Variants in DNAH10 observed in about 807,000 individuals in gnomAD.
DNAH10 encodes dynein axonemal heavy chain 10.
DNAH10 carries 348 observed loss-of-function variants against 506.6 expected under a neutral mutation model. The observed-to-expected ratio is 0.69, with a 90% confidence interval of 0.63 to 0.75. DNAH10 has a LOEUF of 0.75. DNAH10 is among the 30% of genes least tolerant of loss of function. The probability of loss-of-function intolerance (pLI) is 0.00; values close to 1 mark genes in which losing one functional copy is unlikely to be tolerated. For missense variants in DNAH10, 5,179 were observed against 5,787.1 expected, an observed-to-expected ratio of 0.89 and a Z score of 3.41; for synonymous variants, 2,059 against 2,198.6, an observed-to-expected ratio of 0.94 and a Z score of 1.78.
In DNAH10 at chr12:123,916,550, A is replaced by G. The variant is rs925182395; in HGVS notation, c.10816A>G (p.Ile3606Val). The change falls in exon 63 of 79, where the codon ATC (isoleucine) becomes GTC (valine). Residue 3606 changes from isoleucine to valine, a missense_variant. Ile to Val is a conservative substitution (Grantham distance 29). This residue lies in a region of DNAH10 where 4,844 missense variants were observed against 5,430.5 expected (regional missense o/e 0.89). Coordinates refer to ENST00000673944, the MANE Select transcript of DNAH10 (RefSeq NM_001372106.1). The surrounding 1 kb of genome is among the most constrained non-coding windows in gnomAD (Gnocchi z 4.6). ...PFLFRDVDEYIDPVIDNVLEK... is the reference protein window; with the variant it reads ...PFLFRDVDEYVDPVIDNVLEK... ...CCTGTTCCGCGATGTTGATGAATACATCGATCCTGTGATTGACAACGTCTT... is the reference window on the plus strand; with the variant it reads ...CCTGTTCCGCGATGTTGATGAATACGTCGATCCTGTGATTGACAACGTCTT... 1.9e-6 allele frequency: 3 copies of G among 1,613,918 alleles called. No individual in the cohort carries two copies. Among genetic ancestry groups the G allele is most frequent in the Non-Finnish European group, 2.5e-6 (3 of 1,179,884 alleles).
intron 36 of DNAH10, among the ~76,000 whole-genome samples, chr12:123,856,737 ATATT>A (rs1343255317): frequency 1.4e-5 from 2 of 147,890 alleles, no homozygotes; most frequent in East Asian, 1.9e-4. Flanking sequence ...TATATAATTT[ATATT>A]TATTTACATA....
intron 38 of DNAH10, among the ~76,000 whole-genome samples, chr12:123,859,579 A>C (rs1951536586): frequency 6.6e-6 from 1 of 152,198 alleles, no homozygotes; most frequent in South Asian, 2.1e-4. Context: ...TTGGGGTCCA[A>C]ATTGCTTCCT....
intron 4 of DNAH10, 26 bp downstream of exon 4, chr12:123,772,968 A>G (rs754601964): frequency 6.5e-7 from 1 of 1,528,212 alleles, no homozygotes. Context: ...GTGTGTGTGT[A>G]TGTGTGTTGA....
intron 48 of DNAH10, among the ~76,000 whole-genome samples, chr12:123,878,919 A>T (rs1021331744): frequency 1.3e-5 from 2 of 152,116 alleles, no homozygotes; most frequent in African/African-American, 4.8e-5. Flanking sequence ...AAAAGAGAGA[A>T]AAAGAAGTTG....
intron 11 of DNAH10, among the ~76,000 whole-genome samples, chr12:123,793,252 C>T (rs1958149166): frequency 6.6e-6 from 1 of 152,090 alleles, no homozygotes; most frequent in African/African-American, 2.4e-5. Flanking sequence ...AATGCTAAGC[C>T]TTCTGGAGTT....
At chr12:123,829,413 G>T (rs532457979) in intron 25 of DNAH10, among the ~76,000 whole-genome samples, 12 of 152,302 alleles carry the variant, frequency 7.9e-5, no homozygotes, top group Admixed American at 3.9e-4. Flanking sequence ...GGACAGAGGA[G>T]TTGGTTCAAC....
chr12:123,922,146 G>A lies in DNAH10; in HGVS notation c.11507-1617G>A, dbSNP rs562735267. On this transcript the variant is annotated intron_variant, in intron 65 of 78. Coordinates refer to ENST00000673944, the MANE Select transcript of DNAH10 (RefSeq NM_001372106.1). ...TCCCAGCACTTTGGGCCGCCAGGGCGGGCGGATCATGAGGTCAAGAGATGG... is the reference window on the plus strand; with the variant it reads ...TCCCAGCACTTTGGGCCGCCAGGGCAGGCGGATCATGAGGTCAAGAGATGG... 1.2e-4 allele frequency among the ~76,000 whole-genome samples: 19 copies of A among 152,116 alleles called. No homozygotes were observed. The East Asian group carries it at 2.0e-3, about 16-fold the overall frequency.
chr12:123,893,470 C>T, intron 53 of DNAH10, 34 bp downstream of exon 53: 1 of 1,610,614 alleles, frequency 6.2e-7, no homozygotes, highest in Non-Finnish European at 8.5e-7. Context: ...CCCATTTCCC[C>T]TGCTTTGGCA....
In DNAH10 at chr12:123,917,720, C is replaced by T. The variant is rs866108094; in HGVS notation, c.11139C>T (p.Ser3713=). 6.4e-7 allele frequency: 1 copy of T among 1,564,412 alleles called. No homozygotes were observed. Among genetic ancestry groups the T allele is most frequent in the Non-Finnish European group, 8.7e-7 (1 of 1,154,694 alleles). ...NKNLLKDLED[S]LLRELATSTG... Reference sequence around the variant, plus strand: ...ACCTGCTCAAGGACCTGGAAGATTCCCTCCTTCGGGAGCTGGCCACGTCCA... The same window carrying T: ...ACCTGCTCAAGGACCTGGAAGATTCTCTCCTTCGGGAGCTGGCCACGTCCA... The change falls in exon 64 of 79, where the codon TCC becomes TCT. Residue 3713 remains serine (S), a synonymous_variant. Coordinates refer to ENST00000673944, the MANE Select transcript of DNAH10 (RefSeq NM_001372106.1). This position sits in a 1 kb window ranked among gnomAD's most constrained non-coding sequence, Gnocchi z 5.6.
intron 18 of DNAH10, among the ~76,000 whole-genome samples, chr12:123,808,522 C>A (rs747943194): frequency 1.3e-5 from 2 of 152,064 alleles, no homozygotes; most frequent in Non-Finnish European, 2.9e-5. Context: ...TTTTTCCTTA[C>A]CAGAGTTGAG....
At chr12:123,792,589 A>G (rs936210610) in intron 11 of DNAH10, among the ~76,000 whole-genome samples, 5 of 151,612 alleles carry the variant, frequency 3.3e-5, no homozygotes, top group African/African-American at 1.2e-4. Context: ...CCTTCTGAGT[A>G]GCTGGGGTTA....
chr12:123,928,686 T>C lies in DNAH10; in HGVS notation c.12306+99T>C. On this transcript the variant is annotated intron_variant, in intron 70 of 78. Transcript: ENST00000673944. This position sits in a 1 kb window ranked among gnomAD's most constrained non-coding sequence, Gnocchi z 4.9. ...GGGTGTGCCTTTGTCTGTGTAGAAATAAACCTTAGGCTGCAGGTGAAACCT... is the reference window on the plus strand; with the variant it reads ...GGGTGTGCCTTTGTCTGTGTAGAAACAAACCTTAGGCTGCAGGTGAAACCT... The C allele has an allele frequency of 7.4e-7, 1 of 1,355,038 alleles. No homozygotes were observed. The highest frequency in any genetic ancestry group is 9.9e-7 in the Non-Finnish European group (1 of 1,006,138). 83.9% of individuals were successfully genotyped at this position (1,355,038 alleles called of 1,614,324 possible).
Position 123,796,766 on chromosome 12 carries a change from G to C in DNAH10, c.2097G>C (p.Arg699=), listed in dbSNP as rs868425131. The part of the protein sequence containing the change: ...AIYWERSLFF[R]IKHTILRFQE... ...ACTGGGAACGATCTCTGTTCTTTCG[G>C]ATTAAGCATACCATCCTCCGATTTC... Residue 699 remains arginine, a synonymous_variant, in exon 13 of 79, where the codon CGG becomes CGC. Transcript: ENST00000673944. The C allele has an allele frequency of 5.6e-6, 9 of 1,614,030 alleles. No homozygotes were observed. In the African/African-American group the frequency reaches 8.0e-5, roughly 14 times the overall value.
At chr12:123,891,306 T>G (rs2137162910) in intron 52 of DNAH10, among the ~76,000 whole-genome samples, 1 of 152,328 alleles carries the variant, frequency 6.6e-6, no homozygotes, top group African/African-American at 2.4e-5. Context: ...CATTTCAACT[T>G]GATTATCTCT....
intron 1 of DNAH10, among the ~76,000 whole-genome samples, chr12:123,764,120 C>T (rs1956932083): frequency 1.3e-5 from 2 of 152,312 alleles, no homozygotes; most frequent in South Asian, 4.1e-4. Context: ...CCCACCTCGG[C>T]CTCCCGAAGT....
At chr12:123,778,857 C>T (rs2136007928) in intron 5 of DNAH10, among the ~76,000 whole-genome samples, 1 of 152,126 alleles carries the variant, frequency 6.6e-6, no homozygotes, top group South Asian at 2.1e-4. Flanking sequence ...CCCATCTCAG[C>T]CTCCGGAGTA....
Position 123,819,409 on chromosome 12 carries a change from A to G in DNAH10, c.4000+159A>G, listed in dbSNP as rs370160465. Among the ~76,000 whole-genome samples the G allele has an allele frequency of 1.9e-3, 253 of 130,536 alleles. 1 individual carries two copies. Among genetic ancestry groups the G allele is most frequent in the Admixed American group, 4.3e-3 (57 of 13,214 alleles). The allele number at this position is 130,536 out of a possible 152,430, so 85.6% of individuals were successfully genotyped here. ...CTTGGCTCATTTTAGTGGTCACATT[A>G]AAAAAAAAAAAAGCTGGATTAATGC... On this transcript the variant is annotated intron_variant, in intron 23 of 78. Coordinates refer to ENST00000673944, the MANE Select transcript of DNAH10 (RefSeq NM_001372106.1).
chr12:123,856,847 TAATTTA>T (rs1251478332), intron 36 of DNAH10, among the ~76,000 whole-genome samples: 1 of 149,164 alleles, frequency 6.7e-6, no homozygotes, highest in Non-Finnish European at 1.5e-5. Flanking sequence ...TTAATTTCTG[TAATTTA>T]AATTTAAATT....
intron 47 of DNAH10, among the ~76,000 whole-genome samples, chr12:123,876,461 C>T (rs1952258070): frequency 6.6e-6 from 1 of 151,676 alleles, no homozygotes. Context: ...AGCAAAACCT[C>T]ATCTCTACTA....
Sources: gnomAD v4.1 joint callset for allele counts (sites outside exome capture counted in the v4.1 genomes callset) on GRCh38, gnomAD v4.1.1 for gene constraint, gnomAD v4.1.1 regional missense constraint, Gnocchi (gnomAD v3.1) non-coding constraint, MANE v1.5 for transcripts, NCBI Gene and HGNC (gene_info 2026-07-23, HGNC 2026-07-21) for gene names.